FNIP2: variants seen among roughly 807,000 people sequenced by gnomAD.
The protein encoded by FNIP2 is folliculin interacting protein 2.
A neutral mutation model predicts 108.7 loss-of-function variants in FNIP2; 32 were observed. The observed-to-expected ratio is 0.29, with a 90% confidence interval of 0.22 to 0.40. The LOEUF (loss-of-function observed/expected upper bound fraction) is 0.40, where lower values mean the gene tolerates loss of function less well. Ranked by LOEUF, FNIP2 falls within the 10% of genes least tolerant of loss-of-function variation. The probability of loss-of-function intolerance (pLI) is 1.00; values close to 1 mark genes in which losing one functional copy is unlikely to be tolerated. For missense variants in FNIP2, 1,202 were observed against 1,381.6 expected (o/e 0.87, Z 2.06); for synonymous variants, 480 against 496.7 (o/e 0.97, Z 0.45).
intron 7 of FNIP2, among the ~76,000 whole-genome samples, chr4:158,836,969 A>G (rs1778849241): frequency 6.6e-6 from 1 of 152,196 alleles, no homozygotes; most frequent in Non-Finnish European, 1.5e-5. Flanking sequence ...TGCTGAAGAT[A>G]ACTCCTCCAG....
chr4:158,901,840 T>G (rs1729312303), intron 16 of FNIP2, among the ~76,000 whole-genome samples: 1 of 151,892 alleles, frequency 6.6e-6, no homozygotes, highest in Admixed American at 6.6e-5. Context: ...CTCCATCAGG[T>G]CATTTATGTT....
Position 158,869,046 on chromosome 4 carries a change from G to A in FNIP2, c.2410G>A (p.Asp804Asn), listed in dbSNP as rs149689739. The change falls in exon 13 of 17, where the codon GAC becomes AAC. Residue 804 changes from aspartate (D) to asparagine (N), a missense_variant. This residue lies in a region of FNIP2 where 878 missense variants were observed against 990.3 expected (regional missense o/e 0.89). Coordinates refer to ENST00000264433, the MANE Select transcript of FNIP2 (RefSeq NM_020840.3). ...TGCAGAGGACAGAGGCAGCAGAAAC[G>A]ACATGGCAGCAGATATTGCTGGGCA... ...GFAEDRGSRNDMAADIAGQLS... is the reference protein window; with the variant it reads ...GFAEDRGSRNNMAADIAGQLS... 220 of 1,614,012 alleles carry A rather than the reference G, an allele frequency of 1.4e-4. 1 individual carries two copies. In the African/African-American group the frequency reaches 2.3e-3, roughly 17 times the overall value.
chr4:158,843,749 G>A (rs1779249928), intron 7 of FNIP2, among the ~76,000 whole-genome samples: 1 of 152,178 alleles, frequency 6.6e-6, no homozygotes, highest in African/African-American at 2.4e-5. Flanking sequence ...AGCCTGGAGA[G>A]GAAATAAGGG....
chr4:158,821,121 A>G (rs115509820), intron 1 of FNIP2, among the ~76,000 whole-genome samples: 355 of 152,334 alleles, frequency 2.3e-3, no homozygotes, highest in African/African-American at 7.7e-3. Context: ...CCTGGCTTCA[A>G]TGCTAACCAG....
chr4:158,788,169 T>C (rs1776282011), intron 1 of FNIP2, among the ~76,000 whole-genome samples: 1 of 152,190 alleles, frequency 6.6e-6, no homozygotes, highest in South Asian at 2.1e-4. Flanking sequence ...GAGATTTAAG[T>C]GGGTGGTTCT....
At chr4:158,878,621 T>C (rs1026358222) in intron 14 of FNIP2, among the ~76,000 whole-genome samples, 1 of 151,972 alleles carries the variant, frequency 6.6e-6, no homozygotes, top group Non-Finnish European at 1.5e-5. Context: ...GAGACGCATA[T>C]AGGAAAATGA....
At chr4:158,785,306 G>A (rs965474495) in intron 1 of FNIP2, among the ~76,000 whole-genome samples, 1 of 151,868 alleles carries the variant, frequency 6.6e-6, no homozygotes, top group Non-Finnish European at 1.5e-5. Flanking sequence ...GGATGGTCGC[G>A]ATCTCTTGAC....
chr4:158,855,310 T>C (rs1779921319), intron 8 of FNIP2, among the ~76,000 whole-genome samples: 1 of 152,320 alleles, frequency 6.6e-6, no homozygotes, highest in South Asian at 2.1e-4. Flanking sequence ...GAACATTAAA[T>C]GAAGCCTGGG....
At chr4:158,851,997 C>T (rs1446780165) in intron 8 of FNIP2, among the ~76,000 whole-genome samples, 1 of 152,216 alleles carries the variant, frequency 6.6e-6, no homozygotes, top group Non-Finnish European at 1.5e-5. Flanking sequence ...TAGCTTCCAA[C>T]TTGTTCTTCC....
At chr4:158,842,356 G>T (rs1254950095) in intron 7 of FNIP2, among the ~76,000 whole-genome samples, 1 of 152,174 alleles carries the variant, frequency 6.6e-6, no homozygotes, top group Non-Finnish European at 1.5e-5. Context: ...CTAAATAAAT[G>T]GAGCGATACA....
Position 158,802,905 on chromosome 4 carries a change from G to A in FNIP2, c.108-23011G>A, listed in dbSNP as rs150626413. Among the ~76,000 whole-genome samples the A allele has an allele frequency of 1.4e-4, 21 of 152,330 alleles. No homozygotes were observed. In the East Asian group the frequency reaches 4.0e-3, roughly 29 times the overall value. On this transcript the variant is annotated intron_variant, in intron 1 of 16. Transcript: ENST00000264433. ...TGATTCTTAAACTTGGCACTCTTCTGTAGGACCACTTAATACCTGGTACAT... is the reference window on the plus strand; with the variant it reads ...TGATTCTTAAACTTGGCACTCTTCTATAGGACCACTTAATACCTGGTACAT...
At chr4:158,898,297 C>T (rs1384297443) in intron 16 of FNIP2, among the ~76,000 whole-genome samples, 1 of 152,140 alleles carries the variant, frequency 6.6e-6, no homozygotes, top group Non-Finnish European at 1.5e-5. Flanking sequence ...GTTCTTTTTG[C>T]TTAGGATTGC....
At chr4:158,776,792 G>T (rs186028420) in intron 1 of FNIP2, among the ~76,000 whole-genome samples, 1 of 152,286 alleles carries the variant, frequency 6.6e-6, no homozygotes, top group East Asian at 1.9e-4. Flanking sequence ...AATACCTGTT[G>T]AATGAATGAA....
chr4:158,886,051 C>G (rs13134046), intron 14 of FNIP2, among the ~76,000 whole-genome samples: 5,185 of 152,240 alleles, frequency 0.034, 133 homozygotes, highest in South Asian at 0.093. Flanking sequence ...GGAAATGGAC[C>G]CATCCTTAGA....
chr4:158,822,890 A>T (rs1031018350), intron 1 of FNIP2, among the ~76,000 whole-genome samples: 21 of 152,340 alleles, frequency 1.4e-4, no homozygotes, highest in African/African-American at 3.8e-4. Context: ...CTTTTTAAAA[A>T]TTTTTAAATT....
At chr4:158,798,679 T>A (rs996637013) in intron 1 of FNIP2, among the ~76,000 whole-genome samples, 1 of 152,230 alleles carries the variant, frequency 6.6e-6, no homozygotes, top group South Asian at 2.1e-4. Context: ...ATAGCACATT[T>A]TAAAAGTGAG....
chr4:158,809,619 C>G (rs1777160247), intron 1 of FNIP2, among the ~76,000 whole-genome samples: 1 of 152,198 alleles, frequency 6.6e-6, no homozygotes, highest in South Asian at 2.1e-4. Context: ...AAACAAAATT[C>G]TTACGGCTGT....
At chr4:158,889,947 G>A (rs577011299) in intron 14 of FNIP2, 28 of 985,222 alleles carry the variant, frequency 2.8e-5, no homozygotes, top group East Asian at 2.3e-4. Flanking sequence ...TTAGTTGTCC[G>A]TTTTGGAGAC....
intron 14 of FNIP2, chr4:158,889,851 G>A (rs1251372729): frequency 1.1e-5 from 11 of 982,700 alleles, no homozygotes; most frequent in South Asian, 4.7e-5. Context: ...ATGGCAAGTC[G>A]TCATCATCTT....
Sources: allele counts gnomAD v4.1 joint callset (sites outside exome capture counted in the v4.1 genomes callset), GRCh38; gene constraint gnomAD v4.1.1; regional missense constraint gnomAD v4.1.1; transcripts MANE v1.5; gene names NCBI Gene and HGNC (gene_info 2026-07-23, HGNC 2026-07-21).